Variants in NEK1 observed in about 807,000 individuals in gnomAD.
NEK1 encodes the protein serine/threonine-protein kinase Nek1.
In NEK1, 137 loss-of-function variants were observed where a neutral mutation model predicts 182.1. The ratio of observed to expected loss-of-function variants is 0.75; its 90% CI spans 0.65 to 0.87. NEK1 has a LOEUF of 0.87. Among genes scored for constraint, NEK1 ranks in the 40% least tolerant of loss-of-function variants. The pLI is 0.00. For missense variants in NEK1, 1,391 were observed against 1,494.4 expected (o/e 0.93, Z 1.14); for synonymous variants, 513 against 492.2 (o/e 1.04, Z -0.56).
At chr4:169,395,390 A>G (rs550564490) in intron 35 of NEK1, among the ~76,000 whole-genome samples, 2 of 151,892 alleles carry the variant, frequency 1.3e-5, no homozygotes, top group East Asian at 3.9e-4. Context: ...CTGCCCCTAT[A>G]ATTTATGCTT....
intron 28 of NEK1, among the ~76,000 whole-genome samples, chr4:169,435,467 G>C (rs1738238562): frequency 6.6e-6 from 1 of 152,172 alleles, no homozygotes. Flanking sequence ...TTAAGTTACT[G>C]TGGTGAATTA....
intron 28 of NEK1, among the ~76,000 whole-genome samples, chr4:169,436,476 T>C (rs1007039450): frequency 1.3e-5 from 2 of 152,338 alleles, no homozygotes; most frequent in African/African-American, 4.8e-5. Context: ...ATGTGGAAGA[T>C]AGTAACTGTA....
intron 5 of NEK1, among the ~76,000 whole-genome samples, chr4:169,596,211 T>C (rs557497692): frequency 6.6e-6 from 1 of 152,316 alleles, no homozygotes; most frequent in African/African-American, 2.4e-5. Context: ...CAATCAAAGA[T>C]TCTTTATGAA....
chr4:169,473,246 GA>G (rs111395147), intron 26 of NEK1, among the ~76,000 whole-genome samples: 38,293 of 129,196 alleles, frequency 0.3, 6,965 homozygotes, highest in African/African-American at 0.56. Context: ...AGCCTGTCTT[GA>G]AAAAAAAAAA....
intron 19 of NEK1, among the ~76,000 whole-genome samples, chr4:169,524,552 C>T (rs1254233030): frequency 6.7e-6 from 1 of 148,208 alleles, no homozygotes; most frequent in East Asian, 2.0e-4. Flanking sequence ...TCAAACAGAA[C>T]AAGGTACTGA....
intron 27 of NEK1, among the ~76,000 whole-genome samples, chr4:169,453,146 CT>C (rs1046170263): frequency 2.6e-5 from 4 of 152,168 alleles, no homozygotes; most frequent in African/African-American, 7.2e-5. Flanking sequence ...CAAACCACTG[CT>C]CAACGAAATA....
At chr4:169,611,174 T>C (rs997862045) in intron 2 of NEK1, among the ~76,000 whole-genome samples, 1 of 152,208 alleles carries the variant, frequency 6.6e-6, no homozygotes, top group Non-Finnish European at 1.5e-5. Flanking sequence ...TTACTTGGAA[T>C]ACAATGTCAA....
chr4:169,493,398 C>G (rs1750496519), intron 23 of NEK1, among the ~76,000 whole-genome samples: 1 of 152,194 alleles, frequency 6.6e-6, no homozygotes, highest in African/African-American at 2.4e-5. Context: ...GGTGCTTTGT[C>G]ATCTCCAAAG....
rs535921736 is a variant in NEK1, at chr4:169,607,540, G to A, written c.-49+4480C>T. ...TGCAGTGGCGCAGTCTTGGCTCACT[G>A]CAAGCTCCACCTCCCAGGTTCACGC... On this transcript the variant is annotated intron_variant, in intron 2 of 35. Transcript: ENST00000507142. Among the ~76,000 whole-genome samples the A allele has an allele frequency of 3.3e-5, 5 of 152,136 alleles. No individual in the cohort carries two copies. The East Asian group carries it at 5.8e-4, about 18-fold the overall frequency.
rs540399381 is a variant in NEK1, at chr4:169,581,445, T to A, written c.808-543A>T. Among the ~76,000 whole-genome samples the A allele has an allele frequency of 6.6e-5, 10 of 151,824 alleles. No individual in the cohort carries two copies. In the East Asian group the frequency reaches 7.8e-4, roughly 12 times the overall value. The stretch of plus-strand genomic sequence containing the variant: ...CCATGCCAGGCTGATTTAAAAAAAA[T>A]TTTTTTTGGTTTATTTTTTATGGAG... On this transcript the variant is annotated intron_variant, in intron 10 of 35. Transcript: ENST00000507142.
chr4:169,537,913 T>C lies in NEK1; in HGVS notation c.1563-2A>G. On this transcript the variant is annotated splice_acceptor_variant, in intron 18 of 35. Coordinates refer to ENST00000507142, the MANE Select transcript of NEK1 (RefSeq NM_001199397.3). LOFTEE classifies it high-confidence loss of function. Reference sequence around the variant, plus strand: ...TCTACAGCTAGCTGCCCTTTTTGCCTAATTTGGACAAATCACAAAGTCAGC... The same window carrying C: ...TCTACAGCTAGCTGCCCTTTTTGCCCAATTTGGACAAATCACAAAGTCAGC... 1 of 1,584,460 alleles carries C rather than the reference T, an allele frequency of 6.3e-7. No individual in the cohort carries two copies. Among genetic ancestry groups the C allele is most frequent in the East Asian group, 2.3e-5 (1 of 44,220 alleles).
intron 9 of NEK1, 23 bp from the exon 10 acceptor site, chr4:169,585,572 C>A (rs773535243): frequency 6.3e-5 from 94 of 1,488,668 alleles, no homozygotes; most frequent in Non-Finnish European, 7.9e-5. Flanking sequence ...AAATAAATAA[C>A]ATATAGGAAA....
intron 23 of NEK1, among the ~76,000 whole-genome samples, chr4:169,505,667 A>G (rs1385633128): frequency 1.3e-5 from 2 of 152,224 alleles, no homozygotes; most frequent in Non-Finnish European, 2.9e-5. Context: ...TGCCTGGCAT[A>G]AAACAAGCAA....
At chr4:169,431,358 T>C (rs1737397462) in intron 29 of NEK1, among the ~76,000 whole-genome samples, 1 of 151,992 alleles carries the variant, frequency 6.6e-6, no homozygotes, top group Admixed American at 6.6e-5. Flanking sequence ...ATGAAATAAA[T>C]GGAAACACAT....
chr4:169,440,977 C>T (rs901067524), intron 27 of NEK1, among the ~76,000 whole-genome samples: 1 of 152,304 alleles, frequency 6.6e-6, no homozygotes, highest in Admixed American at 6.5e-5. Context: ...TGAATCTCCA[C>T]ACCCCTGGAG....
intron 12 of NEK1, among the ~76,000 whole-genome samples, chr4:169,570,234 A>C (rs1240778081): frequency 1.3e-5 from 2 of 149,158 alleles, no homozygotes; most frequent in Non-Finnish European, 3.0e-5. Flanking sequence ...CCGTCTGAGA[A>C]GTGAGGAGAC....
Position 169,567,087 on chromosome 4 carries a change from C to CA in NEK1, c.1021-4892dup, listed in dbSNP as rs1356043137. Among the ~76,000 whole-genome samples the CA allele has an allele frequency of 6.8e-5, 9 of 132,434 alleles. No individual in the cohort carries two copies. The South Asian group carries it at 9.2e-4, about 14-fold the overall frequency. 86.9% of individuals were successfully genotyped at this position (132,434 alleles called of 152,430 possible). On this transcript the variant is annotated intron_variant, in intron 12 of 35. Transcript: ENST00000507142. Reference sequence around the variant, plus strand: ...CTTGAGTGTAGTGAAGGTCCTGTCTCAAAAAAAAAGAAAAAAAAAATCAAG... The same window carrying CA: ...CTTGAGTGTAGTGAAGGTCCTGTCTCAAAAAAAAAAGAAAAAAAAAATCAAG...
rs58470007 is a variant in NEK1, at chr4:169,443,051, TTATCTATCTATCTATCTATC to T, written c.2588-4812_2588-4793del. Among the ~76,000 whole-genome samples, 173 of 141,796 alleles carry T rather than the reference TTATCTATCTATCTATCTATC, an allele frequency of 1.2e-3. 1 individual carries two copies. Among genetic ancestry groups the T allele is most frequent in the African/African-American group, 2.1e-3 (81 of 37,720 alleles). 93.0% of individuals were successfully genotyped at this position (141,796 alleles called of 152,430 possible). On this transcript the variant is annotated intron_variant, in intron 27 of 35. Transcript: ENST00000507142. ...CTGTCTCTAACCAAGTAAAAATATT[TTATCTATCTATCTATCTATC>T]TATCTATCTATCTATCTATCTATCT...
intron 26 of NEK1, among the ~76,000 whole-genome samples, chr4:169,469,490 G>A (rs1343351952): frequency 6.6e-6 from 1 of 152,112 alleles, no homozygotes; most frequent in African/African-American, 2.4e-5. Flanking sequence ...GAGACCGTTT[G>A]TTATGATTTC....
Sources: allele counts gnomAD v4.1 joint callset (sites outside exome capture counted in the v4.1 genomes callset), GRCh38; gene constraint gnomAD v4.1.1; transcripts MANE v1.5; gene names NCBI Gene and HGNC (gene_info 2026-07-23, HGNC 2026-07-21).